ROPN1: variants seen among roughly 807,000 people sequenced by gnomAD.
ROPN1 encodes ropporin-1A.
Under a neutral mutation model 20.5 loss-of-function variants are expected in ROPN1, and 14 were observed. The observed-to-expected ratio is 0.68, with a 90% CI of 0.45 to 1.07. The LOEUF is 1.07. ROPN1 is among the 50% of genes least tolerant of loss of function. The probability of loss-of-function intolerance (pLI) is 0.00; values close to 1 mark genes in which losing one functional copy is unlikely to be tolerated. For missense variants in ROPN1, 169 were observed against 242.8 expected (o/e 0.70, Z 2.02); for synonymous variants, 76 against 95.7 (o/e 0.79, Z 1.20).
At chr3:123,983,142 T>C (rs747292390) in intron 1 of ROPN1, among the ~76,000 whole-genome samples, 2 of 152,214 alleles carry the variant, frequency 1.3e-5, no homozygotes, top group Admixed American at 6.5e-5. Context: ...TTGCTAGATG[T>C]ACCACAATTT....
intron 4 of ROPN1, among the ~76,000 whole-genome samples, chr3:123,972,498 A>C (rs535575948): frequency 6.6e-6 from 1 of 152,262 alleles, no homozygotes; most frequent in Non-Finnish European, 1.5e-5. Context: ...TATTTTCTAC[A>C]TACGTGATCT....
At chr3:123,981,045 C>T (rs559369304) in intron 1 of ROPN1, among the ~76,000 whole-genome samples, 27 of 152,292 alleles carry the variant, frequency 1.8e-4, no homozygotes, top group African/African-American at 6.0e-4. Flanking sequence ...CTTTTCCACT[C>T]TAATTGTCAG....
chr3:123,977,525 G>C (rs530778134), intron 2 of ROPN1, among the ~76,000 whole-genome samples: 1 of 152,272 alleles, frequency 6.6e-6, no homozygotes, highest in African/African-American at 2.4e-5. Context: ...GGGTGACAGA[G>C]TGAGACCCCC....
intron 4 of ROPN1, chr3:123,974,979 G>T (rs534656816): frequency 2.0e-4 from 47 of 236,774 alleles, no homozygotes; most frequent in South Asian, 1.5e-3. Flanking sequence ...CATAGTTTTC[G>T]ATAAGATTGT....
intron 2 of ROPN1, chr3:123,979,951 G>A: frequency 2.6e-6 from 1 of 378,650 alleles, no homozygotes; most frequent in Non-Finnish European, 4.8e-6. Context: ...TCCCCCGGCT[G>A]CACTGCTGCC....
intron 2 of ROPN1, among the ~76,000 whole-genome samples, chr3:123,978,495 A>G (rs1444678523): frequency 6.6e-6 from 1 of 152,196 alleles, no homozygotes; most frequent in Non-Finnish European, 1.5e-5. Context: ...TCTTTGGGTT[A>G]TTGAGCTTCA....
intron 1 of ROPN1, among the ~76,000 whole-genome samples, chr3:123,991,676 A>G (rs2038412935): frequency 1.8e-5 from 2 of 113,238 alleles, no homozygotes; most frequent in South Asian, 3.7e-4. Context: ...CCTCCCAACC[A>G]CTGTCCTCCG....
intron 1 of ROPN1, among the ~76,000 whole-genome samples, chr3:123,989,048 T>C (rs1382226172): frequency 6.6e-6 from 1 of 152,172 alleles, no homozygotes; most frequent in Non-Finnish European, 1.5e-5. Flanking sequence ...GGTTTGTTCA[T>C]TGCTGTACTG....
chr3:123,969,284 T>C, intron 5 of ROPN1, 63 bp from the exon 6 acceptor site: 1 of 1,249,556 alleles, frequency 8.0e-7, no homozygotes. Flanking sequence ...AAAGACAATA[T>C]GCAAACAACT....
At chr3:123,989,556 C>G (rs575127100) in intron 1 of ROPN1, among the ~76,000 whole-genome samples, 1 of 152,292 alleles carries the variant, frequency 6.6e-6, no homozygotes, top group African/African-American at 2.4e-5. Context: ...TTGCTAGGCT[C>G]CAGGAACTTG....
intron 1 of ROPN1, among the ~76,000 whole-genome samples, chr3:123,989,085 A>C (rs1287256489): frequency 6.6e-6 from 1 of 152,190 alleles, no homozygotes; most frequent in Non-Finnish European, 1.5e-5. Context: ...AGCCGGGTAC[A>C]GGGCAGGTAT....
At chr3:123,983,538 TAAGTA>T (rs974819673) in intron 1 of ROPN1, among the ~76,000 whole-genome samples, 2 of 152,224 alleles carry the variant, frequency 1.3e-5, no homozygotes, top group African/African-American at 4.8e-5. Flanking sequence ...AGAGCAAACT[TAAGTA>T]AAGCCTTTAC....
chr3:123,983,688 T>C (rs1185292905), intron 1 of ROPN1, among the ~76,000 whole-genome samples: 1 of 152,208 alleles, frequency 6.6e-6, no homozygotes, highest in East Asian at 1.9e-4. Context: ...AGTTTTTTTT[T>C]CTCTTCTCAT....
At position 123,970,268 on chromosome 3, in the gene ROPN1, C is replaced by A; in HGVS notation, c.397-51G>T. The A allele has an allele frequency of 2.6e-6, 4 of 1,533,274 alleles. No individual in the cohort carries two copies. In the South Asian group the frequency reaches 3.4e-5, roughly 13 times the overall value. 95.0% of individuals were successfully genotyped at this position (1,533,274 alleles called of 1,614,324 possible). ...GAAAGTTACTCTTCCAGGCAATATT[C>A]CTGAGATCGGTTTAGATACAAGAAA... is the stretch of plus-strand genomic sequence containing the variant. On this transcript the variant is annotated intron_variant, in intron 4 of 5. Coordinates refer to ENST00000405845, the MANE Select transcript of ROPN1 (RefSeq NM_001317774.2).
At chr3:123,983,358 C>T (rs767032360) in intron 1 of ROPN1, among the ~76,000 whole-genome samples, 9 of 151,256 alleles carry the variant, frequency 6.0e-5, no homozygotes, top group Non-Finnish European at 1.0e-4. Flanking sequence ...TTTTCCACAG[C>T]GGCTGCACCA....
chr3:123,973,150 G>T (rs1166268176), intron 4 of ROPN1, among the ~76,000 whole-genome samples: 1 of 152,066 alleles, frequency 6.6e-6, no homozygotes, highest in Non-Finnish European at 1.5e-5. Context: ...TATGAATTTT[G>T]GGAGAACACA....
rs865926840 is a variant in ROPN1 at position 123,989,132 on chromosome 3, G to T, written c.-13+2790C>A. ...ATGTGTACTTATGAGAGTAAGGAGA[G>T]AATTTCATGTAGGTAGAAGGACTTA... On this transcript the variant is annotated intron_variant, in intron 1 of 5. Transcript: ENST00000405845. Among the ~76,000 whole-genome samples, 9 of 152,304 alleles carry T rather than the reference G, an allele frequency of 5.9e-5. No individual in the cohort carries two copies. The South Asian group carries it at 1.7e-3, about 28-fold the overall frequency.
intron 3 of ROPN1, 70 bp downstream of exon 3, chr3:123,976,794 T>C (rs2038032695): frequency 2.0e-6 from 3 of 1,498,576 alleles, no homozygotes; most frequent in Non-Finnish European, 2.7e-6. Context: ...AACAGAGGGC[T>C]TTTTGTCTGT....
chr3:123,990,707 C>A (rs2038387451), intron 1 of ROPN1, among the ~76,000 whole-genome samples: 1 of 151,534 alleles, frequency 6.6e-6, no homozygotes, highest in African/African-American at 2.4e-5. Flanking sequence ...TTCAATTATA[C>A]ATTCCAGAGC....
Sources: allele counts gnomAD v4.1 joint callset (sites outside exome capture counted in the v4.1 genomes callset), GRCh38; gene constraint gnomAD v4.1.1; transcripts MANE v1.5; gene names NCBI Gene and HGNC (gene_info 2026-07-23, HGNC 2026-07-21).